The following FOXP1 variants were observed in gnomAD, a reference collection of about 807,000 sequenced individuals.
FOXP1 encodes the protein forkhead box P1, also known as forkhead box protein P1.
A neutral mutation model predicts 98.2 loss-of-function variants in FOXP1; 15 were observed. The ratio of observed to expected loss-of-function variants is 0.15; its 90% CI spans 0.10 to 0.24. FOXP1 has a LOEUF of 0.24. Ranked by LOEUF, FOXP1 falls within the 10% of genes least tolerant of loss-of-function variation. The pLI, the probability that FOXP1 is intolerant of heterozygous loss-of-function variation, is 1.00. For synonymous variants in FOXP1, 371 were observed against 314.5 expected (o/e 1.18, Z -1.90); for missense variants, 633 against 848.5 (o/e 0.75, Z 3.15).
chr3:71,131,403 C>CAAAAAAAA lies in FOXP1; in HGVS notation c.181-18774_181-18767dup, dbSNP rs10681690. Among the ~76,000 whole-genome samples, 9 of 126,480 alleles carry CAAAAAAAA rather than the reference C, an allele frequency of 7.1e-5. 1 individual carries two copies. Among genetic ancestry groups the CAAAAAAAA allele is most frequent in the South Asian group, 2.6e-4 (1 of 3,812 alleles). The allele number at this position is 126,480 out of a possible 152,430, so 83.0% of individuals were successfully genotyped here. On this transcript the variant is annotated intron_variant, in intron 6 of 20. Coordinates refer to ENST00000649528, the MANE Select transcript of FOXP1 (RefSeq NM_001349338.3). Reference sequence around the variant, plus strand: ...AGAGTTGAACAGCCATATTCAATAACAAAAAAAAAAAAAAAAAAAGGAGGA... The same window carrying CAAAAAAAA: ...AGAGTTGAACAGCCATATTCAATAACAAAAAAAAAAAAAAAAAAAAAAAAAAAGGAGGA...
chr3:71,124,898 C>T (rs1163030562), intron 6 of FOXP1, among the ~76,000 whole-genome samples: 1 of 152,190 alleles, frequency 6.6e-6, no homozygotes, highest in African/African-American at 2.4e-5. Context: ...TACAGAAACA[C>T]TAAGAAAAGT....
intron 3 of FOXP1, among the ~76,000 whole-genome samples, chr3:71,407,103 A>G (rs1454415708): frequency 6.6e-6 from 1 of 151,786 alleles, no homozygotes; most frequent in Non-Finnish European, 1.5e-5. Flanking sequence ...AAATACAGCA[A>G]CTCCACTCTG....
intron 4 of FOXP1, among the ~76,000 whole-genome samples, 181 bp downstream of exon 4, chr3:71,358,969 A>C (rs1268572971): frequency 2.0e-5 from 3 of 152,190 alleles, no homozygotes; most frequent in African/African-American, 7.2e-5. Context: ...CTATTCTTGA[A>C]AACCATAAAG....
intron 6 of FOXP1, among the ~76,000 whole-genome samples, chr3:71,114,561 A>G (rs899861641): frequency 6.6e-6 from 1 of 152,200 alleles, no homozygotes; most frequent in Admixed American, 6.5e-5. Context: ...AGTGACAAAG[A>G]AAAGACCATG....
intron 5 of FOXP1, among the ~76,000 whole-genome samples, chr3:71,294,208 A>G (rs916530817): frequency 6.6e-6 from 1 of 152,234 alleles, no homozygotes; most frequent in African/African-American, 2.4e-5. Flanking sequence ...AACTCTGAAC[A>G]CATTAAGAAC....
chr3:71,389,021 A>T (rs982897032), intron 3 of FOXP1, among the ~76,000 whole-genome samples: 2 of 152,088 alleles, frequency 1.3e-5, no homozygotes, highest in African/African-American at 4.8e-5. Flanking sequence ...GATGTTAATA[A>T]AGGTTCTCAG....
chr3:71,324,085 A>C (rs1281320578), intron 4 of FOXP1, among the ~76,000 whole-genome samples: 1 of 151,818 alleles, frequency 6.6e-6, no homozygotes, highest in Non-Finnish European at 1.5e-5. Context: ...AAATATATAA[A>C]ATTATATATT....
chr3:71,104,409 TTGC>T (rs1399723370), intron 7 of FOXP1, among the ~76,000 whole-genome samples: 1 of 152,224 alleles, frequency 6.6e-6, no homozygotes, highest in Non-Finnish European at 1.5e-5. Flanking sequence ...TCTGCTGCTG[TTGC>T]TGCTGCTTTT....
At chr3:71,320,463 CCT>C (rs1427775853) in intron 4 of FOXP1, among the ~76,000 whole-genome samples, 2 of 151,894 alleles carry the variant, frequency 1.3e-5, no homozygotes, top group South Asian at 2.1e-4. Flanking sequence ...ATTGCTCTGC[CCT>C]CTTTCACCTA....
intron 2 of FOXP1, among the ~76,000 whole-genome samples, chr3:71,554,231 G>A (rs1246020614): frequency 6.6e-6 from 1 of 152,140 alleles, no homozygotes; most frequent in Non-Finnish European, 1.5e-5. Context: ...GTGCACACTT[G>A]TGGTCCCAGC....
intron 2 of FOXP1, among the ~76,000 whole-genome samples, chr3:71,502,092 G>A (rs147081673): frequency 2.0e-5 from 3 of 152,316 alleles, no homozygotes; most frequent in South Asian, 2.1e-4. Context: ...TCTATAACAA[G>A]TTGCTCTTTA....
At chr3:71,294,953 T>C (rs2073136820) in intron 5 of FOXP1, among the ~76,000 whole-genome samples, 1 of 152,174 alleles carries the variant, frequency 6.6e-6, no homozygotes, top group Admixed American at 6.5e-5. Flanking sequence ...GACGGAAAGA[T>C]CTGCCCAGAC....
chr3:71,036,139 T>C (rs2047549413), intron 11 of FOXP1, among the ~76,000 whole-genome samples: 2 of 152,126 alleles, frequency 1.3e-5, no homozygotes. Context: ...GTGTATCAAG[T>C]GAAACTGTCT....
chr3:71,504,671 G>A lies in FOXP1; in HGVS notation c.-297-11116C>T, dbSNP rs547905838. 3.3e-5 allele frequency among the ~76,000 whole-genome samples: 5 copies of A among 152,290 alleles called. No homozygotes were observed. In the East Asian group the frequency reaches 9.6e-4, roughly 29 times the overall value. On this transcript the variant is annotated intron_variant, in intron 2 of 20. Coordinates refer to ENST00000649528, the MANE Select transcript of FOXP1 (RefSeq NM_001349338.3). Reference sequence around the variant, plus strand: ...AGGGTGTGTGGAATGATGTGGTTTGGAAATGTCTCGAGGCGCCAAGGGAAG... The same window carrying A: ...AGGGTGTGTGGAATGATGTGGTTTGAAAATGTCTCGAGGCGCCAAGGGAAG...
At chr3:71,400,401 G>T (rs2081873692) in intron 3 of FOXP1, among the ~76,000 whole-genome samples, 1 of 152,012 alleles carries the variant, frequency 6.6e-6, no homozygotes, top group African/African-American at 2.4e-5. Flanking sequence ...CTGTTGCCCA[G>T]GCTGGAGTGC....
At chr3:71,075,911 G>A (rs1313126324) in intron 7 of FOXP1, among the ~76,000 whole-genome samples, 1 of 151,932 alleles carries the variant, frequency 6.6e-6, no homozygotes, top group Non-Finnish European at 1.5e-5. Context: ...GTAGGGATGG[G>A]GACTCTGTAT....
chr3:70,994,622 C>A (rs2041103635), intron 13 of FOXP1, among the ~76,000 whole-genome samples: 1 of 152,144 alleles, frequency 6.6e-6, no homozygotes, highest in Non-Finnish European at 1.5e-5. Flanking sequence ...AGAGGCCACA[C>A]CACCTTACTA....
At chr3:71,037,520 T>C (rs537526980) in intron 11 of FOXP1, among the ~76,000 whole-genome samples, 2 of 152,274 alleles carry the variant, frequency 1.3e-5, no homozygotes, top group South Asian at 4.1e-4. Context: ...TCTCTGTCCC[T>C]ATGGAATAAA....
intron 6 of FOXP1, among the ~76,000 whole-genome samples, chr3:71,118,175 C>G (rs2058514349): frequency 6.6e-6 from 1 of 152,160 alleles, no homozygotes; most frequent in African/African-American, 2.4e-5. Flanking sequence ...CTCGGTAGGT[C>G]CTGTTTTCAT....
Sources: gnomAD v4.1 joint callset for allele counts (sites outside exome capture counted in the v4.1 genomes callset) on GRCh38, gnomAD v4.1.1 for gene constraint, MANE v1.5 for transcripts, NCBI Gene and HGNC (gene_info 2026-07-23, HGNC 2026-07-21) for gene names.